KMT2A: variants seen among roughly 807,000 people sequenced by gnomAD.
The protein encoded by KMT2A is lysine methyltransferase 2A.
Under a neutral mutation model 345.3 loss-of-function variants are expected in KMT2A, and 16 were observed. The ratio of observed to expected loss-of-function variants is 0.05; its 90% CI spans 0.03 to 0.07. The LOEUF (loss-of-function observed/expected upper bound fraction) is 0.07, where lower values mean the gene tolerates loss of function less well. Ranked by LOEUF, KMT2A falls within the 10% of genes least tolerant of loss-of-function variation. The probability of loss-of-function intolerance (pLI) is 1.00; values close to 1 mark genes in which losing one functional copy is unlikely to be tolerated. For synonymous variants in KMT2A, 1,599 were observed against 1,778.6 expected (o/e 0.90, Z 2.54); for missense variants, 3,272 against 4,841.6 (o/e 0.68, Z 9.62).
At chr11:118,470,850 G>A (rs1555035296) in intron 2 of KMT2A, among the ~76,000 whole-genome samples, 1 of 152,114 alleles carries the variant, frequency 6.6e-6, no homozygotes, top group African/African-American at 2.4e-5. Context: ...TTCTTGAATG[G>A]CTTGAAAAGC....
At chr11:118,459,433 T>C (rs545471644) in intron 1 of KMT2A, among the ~76,000 whole-genome samples, 19 of 152,260 alleles carry the variant, frequency 1.2e-4, no homozygotes, top group African/African-American at 4.6e-4. Flanking sequence ...CTAAAGGGCA[T>C]GTTTGAGATG....
At chr11:118,437,675 T>TCCCCCCCCCCCCC (rs145193113) in intron 1 of KMT2A, among the ~76,000 whole-genome samples, 1 of 143,998 alleles carries the variant, frequency 6.9e-6, no homozygotes, top group African/African-American at 2.6e-5. Flanking sequence ...AGCAGTCTCT[T>TCCCCCCCCCCCCC]CCCCCCCCCG....
intron 8 of KMT2A, among the ~76,000 whole-genome samples, chr11:118,483,158 G>A (rs1471660537): frequency 6.6e-6 from 1 of 151,442 alleles, no homozygotes; most frequent in Non-Finnish European, 1.5e-5. Flanking sequence ...GCCTGAACCT[G>A]CGAGGCGGAG....
At chr11:118,467,670 CTA>C (rs1259511634) in intron 1 of KMT2A, among the ~76,000 whole-genome samples, 1 of 152,210 alleles carries the variant, frequency 6.6e-6, no homozygotes, top group African/African-American at 2.4e-5. Flanking sequence ...GCACCTGACT[CTA>C]GTTTTAAATT....
At chr11:118,439,674 A>C (rs1487428642) in intron 1 of KMT2A, among the ~76,000 whole-genome samples, 1 of 152,250 alleles carries the variant, frequency 6.6e-6, no homozygotes, top group Non-Finnish European at 1.5e-5. Flanking sequence ...AGTTATTTCA[A>C]ATAGGATCAT....
rs2134357823 is a variant in KMT2A at position 118,496,488 on chromosome 11, T to C, written c.5664+121T>C. On this transcript the variant is annotated intron_variant, in intron 20 of 35. Coordinates refer to ENST00000534358, the MANE Select transcript of KMT2A (RefSeq NM_001197104.2). The surrounding 1 kb of genome is among the most constrained non-coding windows in gnomAD (Gnocchi z 4.7). ...AATGAACTTACTTATAACTTACTAA[T>C]TTATAACTTTTATTTACCTATAACT... is the stretch of plus-strand genomic sequence containing the variant. The C allele has an allele frequency of 1.7e-6, 1 of 580,752 alleles. No homozygotes were observed. The highest frequency in any genetic ancestry group is 3.0e-5 in the East Asian group (1 of 33,676). The allele number at this position is 580,752 out of a possible 1,614,324, so 36.0% of individuals were successfully genotyped here. A position where few individuals can be genotyped will look rare whatever the true frequency, so the allele number is the denominator to read the frequency against.
In KMT2A at chr11:118,494,285, C is replaced by T. The variant is rs1950370031; in HGVS notation, c.5179-3C>T. ...ATAATTAACATTTTGTTTTTGTATA[C>T]AGTTGGAGTTCAGTGATGATATTGT... is the stretch of plus-strand genomic sequence containing the variant. On this transcript the variant is annotated splice_region_variant and splice_polypyrimidine_tract_variant and intron_variant, in intron 16 of 35. Coordinates refer to ENST00000534358, the MANE Select transcript of KMT2A (RefSeq NM_001197104.2). This position sits in a 1 kb window ranked among gnomAD's most constrained non-coding sequence, Gnocchi z 5.8. The T allele has an allele frequency of 2.7e-6, 4 of 1,469,964 alleles. No homozygotes were observed. Among genetic ancestry groups the T allele is most frequent in the South Asian group, 2.3e-5 (2 of 87,940 alleles). 91.1% of individuals were successfully genotyped at this position (1,469,964 alleles called of 1,614,324 possible).
At chr11:118,450,370 G>A (rs1438642905) in intron 1 of KMT2A, 1 of 152,112 alleles carries the variant, frequency 6.6e-6, no homozygotes, top group Non-Finnish European at 1.5e-5. Flanking sequence ...CTGAAGCAGG[G>A]TGGGTGGAGG....
intron 6 of KMT2A, among the ~76,000 whole-genome samples, chr11:118,481,496 A>G (rs914039258): frequency 1.3e-5 from 2 of 152,076 alleles, no homozygotes. Flanking sequence ...TTATCCATTC[A>G]TCTGTTGATG....
intron 1 of KMT2A, among the ~76,000 whole-genome samples, chr11:118,464,052 T>C (rs782030215): frequency 6.6e-6 from 1 of 152,164 alleles, no homozygotes; most frequent in Non-Finnish European, 1.5e-5. Context: ...AAATAAATAA[T>C]TGGATGGCTC....
chr11:118,520,666 G>C lies in KMT2A; in HGVS notation c.11430-136G>C, dbSNP rs1555053236. On this transcript the variant is annotated intron_variant, in intron 33 of 35. Coordinates refer to ENST00000534358, the MANE Select transcript of KMT2A (RefSeq NM_001197104.2). This position sits in a 1 kb window ranked among gnomAD's most constrained non-coding sequence, Gnocchi z 4.3. ...ACTCCATCTCAAAAAAAAAAGGGGG[G>C]CGCTCATTTTATAAGGCACTCGTTC... 2 of 645,426 alleles carry C rather than the reference G, an allele frequency of 3.1e-6. No individual in the cohort carries two copies. Among genetic ancestry groups the C allele is most frequent in the Non-Finnish European group, 5.5e-6 (2 of 364,060 alleles). 40.0% of individuals were successfully genotyped at this position (645,426 alleles called of 1,614,324 possible). A position where few individuals can be genotyped will look rare whatever the true frequency, so the allele number is the denominator to read the frequency against.
chr11:118,500,828 A>G, intron 24 of KMT2A, 159 bp from the exon 25 acceptor site: 1 of 447,908 alleles, frequency 2.2e-6, no homozygotes, highest in South Asian at 7.7e-5. Context: ...AGCTTGGAAC[A>G]ACCTAACTAG....
Position 118,497,801 on chromosome 11 carries a change from A to T in KMT2A, c.5665-135A>T. 1 of 644,392 alleles carries T rather than the reference A, an allele frequency of 1.6e-6. No homozygotes were observed. Among genetic ancestry groups the T allele is most frequent in the Non-Finnish European group, 2.7e-6 (1 of 373,710 alleles). 39.9% of individuals were successfully genotyped at this position (644,392 alleles called of 1,614,324 possible). A position where few individuals can be genotyped will look rare whatever the true frequency, so the allele number is the denominator to read the frequency against. ...GAGCAACGTTGCAAAAAGAATTCTG[A>T]TTTCTGTGTGCCTCCCTCCATTAAA... On this transcript the variant is annotated intron_variant, in intron 20 of 35. Coordinates refer to ENST00000534358, the MANE Select transcript of KMT2A (RefSeq NM_001197104.2). This position sits in a 1 kb window ranked among gnomAD's most constrained non-coding sequence, Gnocchi z 4.8.
In KMT2A at chr11:118,436,984, C is replaced by A; in HGVS notation, c.432+40C>A. The stretch of plus-strand genomic sequence containing the variant: ...AACCCCCAGGTCCGGGGTCTCGACC[C>A]TCTGCGGAGCCCCCTCCCCTCCCCC... On this transcript the variant is annotated intron_variant, in intron 1 of 35. Transcript: ENST00000534358. The surrounding 1 kb of genome is among the most constrained non-coding windows in gnomAD (Gnocchi z 6.9). 1 of 1,386,464 alleles carries A rather than the reference C, an allele frequency of 7.2e-7. No individual in the cohort carries two copies. The highest frequency in any genetic ancestry group is 2.9e-5 in the Admixed American group (1 of 33,976). 85.9% of individuals were successfully genotyped at this position (1,386,464 alleles called of 1,614,324 possible). A position where few individuals can be genotyped will look rare whatever the true frequency, so the allele number is the denominator to read the frequency against.
chr11:118,445,835 T>C (rs574964465), intron 1 of KMT2A, among the ~76,000 whole-genome samples: 10 of 151,942 alleles, frequency 6.6e-5, no homozygotes, highest in African/African-American at 2.4e-4. Flanking sequence ...AAACCCTGTC[T>C]CTACTAAAAA....
Position 118,436,563 on chromosome 11 carries a change from G to GGGCGGC in KMT2A, c.60_65dup (p.Gly22_Gly23dup). 8.3e-7 allele frequency: 1 copy of GGGCGGC among 1,203,380 alleles called. No individual in the cohort carries two copies. Among genetic ancestry groups the GGGCGGC allele is most frequent in the Non-Finnish European group, 1.0e-6 (1 of 957,354 alleles). The allele number at this position is 1,203,380 out of a possible 1,614,324, so 74.5% of individuals were successfully genotyped here. On this transcript the variant is annotated inframe_insertion, in exon 1 of 36. Transcript: ENST00000534358. The surrounding 1 kb of genome is among the most constrained non-coding windows in gnomAD (Gnocchi z 6.9). ...TCCCCGCCCGACCCGGGACCACCGG[G>GGGCGGC]GGCGGCGGCGGCGGGGGGCGCCGGG...
Position 118,495,915 on chromosome 11 carries a change from C to T in KMT2A, c.5557+22C>T, listed in dbSNP as rs782063898. 4.5e-6 allele frequency: 7 copies of T among 1,570,622 alleles called. No homozygotes were observed. Among genetic ancestry groups the T allele is most frequent in the South Asian group, 3.4e-5 (3 of 87,180 alleles). ...TTGAGTAAGCCACCAAAAGGAGAGT[C>T]GTCACCCATTTCCCTCTAGATGCAG... is the stretch of plus-strand genomic sequence containing the variant. On this transcript the variant is annotated intron_variant, in intron 19 of 35. Transcript: ENST00000534358. This position sits in a 1 kb window ranked among gnomAD's most constrained non-coding sequence, Gnocchi z 4.1.
rs1950532590 is a variant in KMT2A, at chr11:118,503,382, T to C, written c.7490T>C (p.Met2497Thr). 1 of 1,614,126 alleles carries C rather than the reference T, an allele frequency of 6.2e-7. No homozygotes were observed. Among genetic ancestry groups the C allele is most frequent in the Non-Finnish European group, 8.5e-7 (1 of 1,180,024 alleles). ...SDKIGDKGLS[M>T]PGVPKAPPMQ... ...AAGATTGGTGATAAAGGCCTTTCTA[T>C]GCCAGGAGTCCCCAAAGCTCCACCC... The change falls in exon 27 of 36, where the codon ATG (methionine) becomes ACG (threonine). Residue 2497 changes from methionine to threonine, a missense_variant. Physicochemically the swap from Met to Thr is moderately conservative, Grantham distance 81. Around this residue, in one of 27 missense-constraint regions of KMT2A, gnomAD observed 445 missense variants for 500.9 expected, o/e 0.89. Transcript: ENST00000534358. This position sits in a 1 kb window ranked among gnomAD's most constrained non-coding sequence, Gnocchi z 5.3.
chr11:118,490,227 T>C lies in KMT2A; in HGVS notation c.4674T>C (p.Asp1558=), dbSNP rs781829749. 5.7e-6 allele frequency: 9 copies of C among 1,573,448 alleles called. No individual in the cohort carries two copies. The highest frequency in any genetic ancestry group is 1.4e-5 in the African/African-American group (1 of 72,272). The part of the protein sequence containing the change: ...QWSHDFSLCH[D]CAKLFAKGNF... ...CTCATGATTTCTCACTGTGTCATGA[T>C]TGCGCCAAGCTCTTTGCTAAAGGTA... The change falls in exon 13 of 36, where the codon GAT becomes GAC. Residue 1558 remains aspartate, a synonymous_variant. Transcript: ENST00000534358. The surrounding 1 kb of genome is among the most constrained non-coding windows in gnomAD (Gnocchi z 4.2).
Sources: gnomAD v4.1 joint callset for allele counts (sites outside exome capture counted in the v4.1 genomes callset) on GRCh38, gnomAD v4.1.1 for gene constraint, gnomAD v4.1.1 regional missense constraint, Gnocchi (gnomAD v3.1) non-coding constraint, MANE v1.5 for transcripts, NCBI Gene and HGNC (gene_info 2026-07-23, HGNC 2026-07-21) for gene names.